Variants in GCNT4 observed in about 807,000 individuals in gnomAD.
The protein encoded by GCNT4 is beta-1,3-galactosyl-O-glycosyl-glycoprotein beta-1,6-N-acetylglucosaminyltransferase 4.
A neutral mutation model predicts 31.3 loss-of-function variants in GCNT4; 17 were observed. The observed-to-expected ratio is 0.54, with a 90% CI of 0.37 to 0.81. GCNT4 has a LOEUF of 0.81. GCNT4 is among the 40% of genes least tolerant of loss of function. The probability of loss-of-function intolerance (pLI) is 0.00; values close to 1 mark genes in which losing one functional copy is unlikely to be tolerated. For synonymous variants in GCNT4, 158 were observed against 190.6 expected, an observed-to-expected ratio of 0.83 and a Z score of 1.41; for missense variants, 503 against 525.5, an observed-to-expected ratio of 0.96 and a Z score of 0.42.
At position 75,025,755 on chromosome 5, in the gene GCNT4, G is replaced by A. The variant is rs560499144; in HGVS notation, c.*2921C>T. ...AAATATTAAAAATAGCAGCAACACT[G>A]GTCTTTAAACACGTCTAATATCCCA... On this transcript the variant is annotated 3_prime_UTR_variant, in exon 4 of 4. Coordinates refer to ENST00000652361, the MANE Select transcript of GCNT4 (RefSeq NM_001366737.1). 6 of 152,186 alleles carry A rather than the reference G, an allele frequency of 3.9e-5. No homozygotes were observed. The highest frequency in any genetic ancestry group is 1.4e-4 in the African/African-American group (6 of 41,528). The allele number at this position is 152,186 out of a possible 1,614,324, so 9.4% of individuals were successfully genotyped here.
At position 75,028,741 on chromosome 5, in the gene GCNT4, T is replaced by C. The variant is rs753522564; in HGVS notation, c.1297A>G (p.Arg433Gly). Residue 433 changes from arginine to glycine, a missense_variant, in exon 4 of 4, where the codon AGA becomes GGA. By Grantham distance (125) the Arg-to-Gly change is moderately radical. Coordinates refer to ENST00000652361, the MANE Select transcript of GCNT4 (RefSeq NM_001366737.1). ...TCTGAGGGCAAAGTGATCCAGTCTC[T>C]CTGCTGTTCTTCAAGCTTTTCTGCC... Reference protein sequence around the residue: ...CLAEKLEEQQRDWITLPSEKL... With the variant: ...CLAEKLEEQQGDWITLPSEKL... The C allele has an allele frequency of 4.3e-6, 7 of 1,613,908 alleles. No individual in the cohort carries two copies. Among genetic ancestry groups the C allele is most frequent in the South Asian group, 1.1e-5 (1 of 91,078 alleles).
intron 3 of GCNT4, among the ~76,000 whole-genome samples, chr5:75,038,398 T>C (rs1239580238): frequency 1.3e-5 from 2 of 152,230 alleles, no homozygotes; most frequent in Non-Finnish European, 2.9e-5. Flanking sequence ...TGTCTAGCCA[T>C]CATTTAACCC....
Position 75,052,175 on chromosome 5 carries a change from CAATT to C in GCNT4, c.-153_-150del, listed in dbSNP as rs947381746. The C allele has an allele frequency of 7.2e-6, 1 of 139,560 alleles. No homozygotes were observed. The highest frequency in any genetic ancestry group is 1.5e-5 in the Non-Finnish European group (1 of 66,044). 8.6% of individuals were successfully genotyped at this position (139,560 alleles called of 1,614,324 possible). A position where few individuals can be genotyped will look rare whatever the true frequency, so the allele number is the denominator to read the frequency against. On this transcript the variant is annotated 5_prime_UTR_variant, in exon 2 of 4. An upstream open reading frame in the 5' UTR loses its in-frame stop. Transcript: ENST00000652361. ...GCGACTTCTGTCTACTCACATGAGA[CAATT>C]AAACGCATTATATTAGCCCCAACTC...
At chr5:75,034,897 T>G (rs1382970833) in intron 3 of GCNT4, among the ~76,000 whole-genome samples, 1 of 152,142 alleles carries the variant, frequency 6.6e-6, no homozygotes, top group Non-Finnish European at 1.5e-5. Flanking sequence ...AACACAGAGG[T>G]GCACCCCAGC....
At chr5:75,033,776 G>A (rs1048433307) in intron 3 of GCNT4, among the ~76,000 whole-genome samples, 3 of 151,442 alleles carry the variant, frequency 2.0e-5, no homozygotes, top group Non-Finnish European at 2.9e-5. Flanking sequence ...CTATCAACCC[G>A]TCATCTAGGT....
chr5:75,051,658 C>G (rs1252836980), intron 2 of GCNT4, among the ~76,000 whole-genome samples: 2 of 152,180 alleles, frequency 1.3e-5, no homozygotes, highest in Non-Finnish European at 1.5e-5. Flanking sequence ...GTATTTATGG[C>G]CTGCTTATCT....
Position 75,031,396 on chromosome 5 carries a change from T to C in GCNT4, c.-1-1358A>G, listed in dbSNP as rs1743058842. On this transcript the variant is annotated intron_variant, in intron 3 of 3. Transcript: ENST00000652361. ...CTAAACTTTTTCTTAAAGGACCAGA[T>C]AGTAAATATTTTTGGCTCTGTGGGC... Among the ~76,000 whole-genome samples, 4 of 152,334 alleles carry C rather than the reference T, an allele frequency of 2.6e-5. No individual in the cohort carries two copies. The South Asian group carries it at 6.2e-4, about 24-fold the overall frequency.
intron 3 of GCNT4, among the ~76,000 whole-genome samples, chr5:75,037,811 G>A (rs1204180302): frequency 6.6e-6 from 1 of 152,008 alleles, no homozygotes; most frequent in Non-Finnish European, 1.5e-5. Flanking sequence ...TTGGGAGATG[G>A]AGGTTGCAGT....
the GCNT4 span, among the ~76,000 whole-genome samples, chr5:75,018,609 T>C: frequency 1.2e-4 from 19 of 152,070 alleles, no homozygotes; most frequent in African/African-American, 4.6e-4. Flanking sequence ...TAACATGTTT[T>C]AAGTGGAGTG....
upstream of GCNT4, among the ~76,000 whole-genome samples, chr5:75,053,697 C>G (rs1206437856): frequency 6.6e-6 from 1 of 151,960 alleles, no homozygotes; most frequent in Non-Finnish European, 1.5e-5. Context: ...CGCTGAGCGG[C>G]CCCCGTGACG....
At chr5:75,038,440 C>G (rs1199614056) in intron 3 of GCNT4, among the ~76,000 whole-genome samples, 1 of 152,190 alleles carries the variant, frequency 6.6e-6, no homozygotes, top group African/African-American at 2.4e-5. Context: ...GGAACACCTT[C>G]CCCCTTTACA....
At chr5:75,047,044 G>A (rs1001851287) in intron 3 of GCNT4, among the ~76,000 whole-genome samples, 4 of 152,164 alleles carry the variant, frequency 2.6e-5, no homozygotes, top group Admixed American at 6.5e-5. Context: ...AACTACCCTA[G>A]CCCAGGCCTC....
At chr5:75,031,252 A>G (rs1013842940) in intron 3 of GCNT4, among the ~76,000 whole-genome samples, 1 of 152,010 alleles carries the variant, frequency 6.6e-6, no homozygotes, top group Non-Finnish European at 1.5e-5. Context: ...TTTTTTCTTT[A>G]GTAGGGACGG....
chr5:75,035,640 C>T (rs1365596981), intron 3 of GCNT4, among the ~76,000 whole-genome samples: 3 of 152,242 alleles, frequency 2.0e-5, no homozygotes, highest in Non-Finnish European at 2.9e-5. Flanking sequence ...TCCTGTTCCT[C>T]CTCACCGGGT....
intron 3 of GCNT4, among the ~76,000 whole-genome samples, chr5:75,031,238 C>T (rs1743055226): frequency 6.6e-6 from 1 of 152,094 alleles, no homozygotes; most frequent in Admixed American, 6.5e-5. Context: ...CCATGCCCGG[C>T]TAATTTTTTC....
chr5:75,037,061 C>T (rs1743214997), intron 3 of GCNT4, among the ~76,000 whole-genome samples: 1 of 152,148 alleles, frequency 6.6e-6, no homozygotes, highest in African/African-American at 2.4e-5. Flanking sequence ...AATGTCAGGG[C>T]TTTTGCTTCT....
chr5:75,017,802 T>A, the GCNT4 span, among the ~76,000 whole-genome samples: 1 of 152,192 alleles, frequency 6.6e-6, no homozygotes, highest in Non-Finnish European at 1.5e-5. Flanking sequence ...GCCTCCAATG[T>A]GGTGGTTTTC....
At position 75,037,328 on chromosome 5, in the gene GCNT4, T is replaced by C. The variant is rs12656840; in HGVS notation, c.-1-7290A>G. Among the ~76,000 whole-genome samples the C allele has an allele frequency of 6.6e-3, 1,005 of 152,240 alleles. 9 individuals are homozygous for C. The highest frequency in any genetic ancestry group is 0.023 in the African/African-American group (958 of 41,548). On this transcript the variant is annotated intron_variant, in intron 3 of 3. Transcript: ENST00000652361. Reference sequence around the variant, plus strand: ...CACTCCCACAGCACTCCAGGAGTCATGCAGAGGAGTGGAAAGACAGGTTTC... The same window carrying C: ...CACTCCCACAGCACTCCAGGAGTCACGCAGAGGAGTGGAAAGACAGGTTTC...
intron 3 of GCNT4, among the ~76,000 whole-genome samples, chr5:75,033,200 T>G (rs1743112552): frequency 6.6e-6 from 1 of 152,220 alleles, no homozygotes; most frequent in Non-Finnish European, 1.5e-5. Flanking sequence ...CTCCCTGCCT[T>G]GTCACTCATT....
Sources: allele counts gnomAD v4.1 joint callset (sites outside exome capture counted in the v4.1 genomes callset), GRCh38; gene constraint gnomAD v4.1.1; transcripts MANE v1.5; gene names NCBI Gene and HGNC (gene_info 2026-07-23, HGNC 2026-07-21).